EPAS1: variants seen among roughly 807,000 people sequenced by gnomAD.
The protein encoded by EPAS1 is endothelial PAS domain protein 1.
EPAS1 carries 23 observed loss-of-function variants against 87.9 expected under a neutral mutation model. The ratio of observed to expected loss-of-function variants is 0.26; its 90% confidence interval spans 0.19 to 0.37. EPAS1 has a LOEUF of 0.37. Ranked by LOEUF, EPAS1 falls within the 10% of genes least tolerant of loss-of-function variation. The pLI, the probability that EPAS1 is intolerant of heterozygous loss-of-function variation, is 1.00. For synonymous variants in EPAS1, 508 were observed against 444.3 expected, an observed-to-expected ratio of 1.14 and a Z score of -1.80; for missense variants, 1,138 against 1,120.7, an observed-to-expected ratio of 1.02 and a Z score of -0.22.
intron 6 of EPAS1, among the ~76,000 whole-genome samples, chr2:46,367,784 C>CTT (rs1684534245): frequency 6.6e-6 from 1 of 152,202 alleles, no homozygotes; most frequent in African/African-American, 2.4e-5. Flanking sequence ...TTGACAAAGG[C>CTT]TTTAACCCCC....
intron 1 of EPAS1, among the ~76,000 whole-genome samples, chr2:46,322,420 A>G (rs748427489): frequency 6.6e-6 from 1 of 152,180 alleles, no homozygotes; most frequent in Non-Finnish European, 1.5e-5. Flanking sequence ...GACTCTTAAC[A>G]ACAGGGGTTC....
chr2:46,298,134 C>A (rs1049291195), intron 1 of EPAS1, among the ~76,000 whole-genome samples, 197 bp downstream of exon 1: 3 of 152,140 alleles, frequency 2.0e-5, no homozygotes, highest in African/African-American at 7.2e-5. Context: ...GTGGAGACTT[C>A]TGCGGCTCGG....
intron 1 of EPAS1, among the ~76,000 whole-genome samples, chr2:46,331,558 A>G (rs929675773): frequency 2.0e-5 from 3 of 152,224 alleles, no homozygotes; most frequent in South Asian, 4.1e-4. Context: ...CCATGGGAAA[A>G]GAACAGATGC....
Position 46,346,978 on chromosome 2 carries a change from C to G in EPAS1, c.132C>G (p.Pro44=). Reference sequence around the variant, plus strand: ...AGCTGGCCCATGAGCTGCCTCTGCCCCACAGTGTGAGCTCCCATCTGGACA... The same window carrying G: ...AGCTGGCCCATGAGCTGCCTCTGCCGCACAGTGTGAGCTCCCATCTGGACA... The part of the protein sequence containing the change: ...FYELAHELPL[P]HSVSSHLDKA... Residue 44 remains proline (P), a synonymous_variant, in exon 2 of 16, where the codon CCC becomes CCG. Transcript: ENST00000263734. The surrounding 1 kb of genome is among the most constrained non-coding windows in gnomAD (Gnocchi z 4.0). The G allele has an allele frequency of 1.2e-6, 2 of 1,614,206 alleles. No homozygotes were observed. Among genetic ancestry groups the G allele is most frequent in the Non-Finnish European group, 1.7e-6 (2 of 1,180,010 alleles).
rs765194203 is a variant in EPAS1, at chr2:46,384,587, A to C, written c.2540A>C (p.Asn847Thr). Residue 847 changes from asparagine to threonine, a missense_variant, in exon 16 of 16, where the codon AAC (asparagine) becomes ACC (threonine). Physicochemically the swap from Asn to Thr is moderately conservative, Grantham distance 65 (BLOSUM62 0). Transcript: ENST00000263734. The stretch of plus-strand genomic sequence containing the variant: ...CTGACCAGATATGACTGTGAGGTGA[A>C]CGTGCCCGTGCTGGGAAGCTCCACG... Reference protein sequence around the residue: ...PELTRYDCEVNVPVLGSSTLL... With the variant: ...PELTRYDCEVTVPVLGSSTLL... The C allele has an allele frequency of 6.2e-7, 1 of 1,614,024 alleles. No individual in the cohort carries two copies. Among genetic ancestry groups the C allele is most frequent in the Admixed American group, 1.7e-5 (1 of 60,012 alleles).
intron 6 of EPAS1, among the ~76,000 whole-genome samples, chr2:46,368,280 G>T (rs1338550593): frequency 1.3e-5 from 2 of 152,184 alleles, no homozygotes; most frequent in African/African-American, 4.8e-5. Flanking sequence ...TCCTGGAGGT[G>T]TCAGGGCTTG....
chr2:46,384,326 G>A, intron 15 of EPAS1, 183 bp from the exon 16 acceptor site: 2 of 836,292 alleles, frequency 2.4e-6, no homozygotes, highest in Non-Finnish European at 2.0e-6. Flanking sequence ...CACCCCACCT[G>A]AGGCAGTGGT....
chr2:46,321,565 G>A (rs1224508470), intron 1 of EPAS1, among the ~76,000 whole-genome samples: 1 of 151,950 alleles, frequency 6.6e-6, no homozygotes, highest in African/African-American at 2.4e-5. Context: ...TTTTGTTTTT[G>A]TTTTTAGATA....
intron 2 of EPAS1, among the ~76,000 whole-genome samples, chr2:46,349,033 C>T (rs6715787): frequency 6.6e-6 from 1 of 151,998 alleles, no homozygotes. Flanking sequence ...ACCTGGAATT[C>T]AAGTCCTTTT....
At position 46,381,537 on chromosome 2, in the gene EPAS1, G is replaced by A. The variant is rs112771686; in HGVS notation, c.2046-59G>A. The A allele has an allele frequency of 1.9e-6, 3 of 1,613,140 alleles. No homozygotes were observed. In the African/African-American group the frequency reaches 4.0e-5, roughly 21 times the overall value. The stretch of plus-strand genomic sequence containing the variant: ...ACTGGAAGGGCCCCTAAGATGAGAA[G>A]GCACTGAGTGGCATGTGGCTCCAGA... On this transcript the variant is annotated intron_variant, in intron 12 of 15. Transcript: ENST00000263734.
rs761953772 is a variant in EPAS1, at chr2:46,371,746, C to G, written c.886+1813C>G. The stretch of plus-strand genomic sequence containing the variant: ...CCCAGGCTCTGGCCCAGCCGACCCA[C>G]TGATTCCCTAGGGCCTGGATTTCTG... On this transcript the variant is annotated intron_variant, in intron 7 of 15. Transcript: ENST00000263734. This position sits in a 1 kb window ranked among gnomAD's most constrained non-coding sequence, Gnocchi z 4.3. Among the ~76,000 whole-genome samples the G allele has an allele frequency of 1.3e-5, 2 of 152,228 alleles. No homozygotes were observed. The highest frequency in any genetic ancestry group is 3.2e-3 in the Middle Eastern group (1 of 316).
At chr2:46,319,360 C>T (rs1054743509) in intron 1 of EPAS1, among the ~76,000 whole-genome samples, 7 of 152,180 alleles carry the variant, frequency 4.6e-5, no homozygotes, top group African/African-American at 1.7e-4. Flanking sequence ...TTCAAATAAG[C>T]TCCATTTTTA....
At chr2:46,321,392 G>A (rs1021370311) in intron 1 of EPAS1, among the ~76,000 whole-genome samples, 1 of 152,040 alleles carries the variant, frequency 6.6e-6, no homozygotes, top group African/African-American at 2.4e-5. Flanking sequence ...ACCTAGAAGT[G>A]GAATTTCTGG....
At position 46,382,832 on chromosome 2, in the gene EPAS1, A is replaced by C. The variant is rs74976450; in HGVS notation, c.2461+234A>C. On this transcript the variant is annotated intron_variant, in intron 15 of 15. Coordinates refer to ENST00000263734, the MANE Select transcript of EPAS1 (RefSeq NM_001430.5). ...GTCTGAGACACAGCTAAAAAACTCA[A>C]ACTCAGGCTAGAATACTGAAGGAAA... 0.098 allele frequency among the ~76,000 whole-genome samples: 14,858 copies of C among 152,112 alleles called. 1,845 individuals are homozygous for C. Among genetic ancestry groups the C allele is most frequent in the African/African-American group, 0.29 (12,001 of 41,432 alleles).
Position 46,380,613 on chromosome 2 carries a change from T to C in EPAS1, c.1941T>C (p.Phe647=), listed in dbSNP as rs901117410. 6 of 1,614,060 alleles carry C rather than the reference T, an allele frequency of 3.7e-6. No homozygotes were observed. Among genetic ancestry groups the C allele is most frequent in the Non-Finnish European group, 5.1e-6 (6 of 1,179,984 alleles). The change falls in exon 12 of 16, where the codon TTT becomes TTC. Residue 647 remains phenylalanine (F), a synonymous_variant. Coordinates refer to ENST00000263734, the MANE Select transcript of EPAS1 (RefSeq NM_001430.5). This position sits in a 1 kb window ranked among gnomAD's most constrained non-coding sequence, Gnocchi z 4.4. ...TQWPPDPPLH[F]GPTKWAVGDQ... ...GGCCCCCAGATCCACCATTACATTT[T>C]GGGCCCACAAAGTGGGCCGTCGGGG...
chr2:46,313,525 C>T (rs1223097597), intron 1 of EPAS1, among the ~76,000 whole-genome samples: 1 of 152,056 alleles, frequency 6.6e-6, no homozygotes, highest in Non-Finnish European at 1.5e-5. Context: ...GATCTCAGCT[C>T]ACTGCAACCT....
chr2:46,315,755 A>T (rs1683300109), intron 1 of EPAS1, among the ~76,000 whole-genome samples: 1 of 152,172 alleles, frequency 6.6e-6, no homozygotes, highest in Non-Finnish European at 1.5e-5. Context: ...TGCAAACGTC[A>T]CCCAGGGGTG....
At chr2:46,331,441 TAAAAC>T in intron 1 of EPAS1, among the ~76,000 whole-genome samples, 1 of 152,366 alleles carries the variant, frequency 6.6e-6, no homozygotes, top group South Asian at 2.1e-4. Flanking sequence ...ACTTTTTCAT[TAAAAC>T]AAAACAAAAC....
At chr2:46,352,427 A>G (rs1405362107) in intron 2 of EPAS1, among the ~76,000 whole-genome samples, 1 of 152,244 alleles carries the variant, frequency 6.6e-6, no homozygotes, top group Non-Finnish European at 1.5e-5. Flanking sequence ...CCTAGCATAA[A>G]GCAGACATGA....
Sources: allele counts gnomAD v4.1 joint callset (sites outside exome capture counted in the v4.1 genomes callset), GRCh38; gene constraint gnomAD v4.1.1; non-coding constraint Gnocchi (gnomAD v3.1); transcripts MANE v1.5; gene names NCBI Gene and HGNC (gene_info 2026-07-23, HGNC 2026-07-21).